CACNA2D1: variants seen among roughly 807,000 people sequenced by gnomAD.
CACNA2D1 encodes the protein voltage-dependent calcium channel subunit alpha-2/delta-1.
CACNA2D1 carries 53 observed loss-of-function variants against 171.5 expected under a neutral mutation model. That is an observed-to-expected ratio of 0.31 (90% CI 0.25 to 0.39). The LOEUF (loss-of-function observed/expected upper bound fraction) is 0.39, where lower values mean the gene tolerates loss of function less well. Ranked by LOEUF, CACNA2D1 falls within the 10% of genes least tolerant of loss-of-function variation. The pLI, the probability that CACNA2D1 is intolerant of heterozygous loss-of-function variation, is 1.00. For synonymous variants in CACNA2D1, 442 were observed against 443.1 expected, an observed-to-expected ratio of 1.00 and a Z score of 0.03; for missense variants, 903 against 1,299.8, an observed-to-expected ratio of 0.69 and a Z score of 4.69.
chr7:82,323,935 C>G (rs1446703743), intron 3 of CACNA2D1, among the ~76,000 whole-genome samples: 1 of 152,196 alleles, frequency 6.6e-6, no homozygotes, highest in Non-Finnish European at 1.5e-5. Context: ...TGCTTTCTAT[C>G]TTAAAGGTAT....
chr7:82,321,945 T>C (rs1158082262), intron 3 of CACNA2D1, among the ~76,000 whole-genome samples: 2 of 150,124 alleles, frequency 1.3e-5, no homozygotes, highest in Non-Finnish European at 3.0e-5. Context: ...GCTAAAACGG[T>C]GAAACCCCGT....
chr7:82,245,560 C>G (rs906690758), intron 3 of CACNA2D1, among the ~76,000 whole-genome samples: 1 of 151,826 alleles, frequency 6.6e-6, no homozygotes, highest in Non-Finnish European at 1.5e-5. Flanking sequence ...AAAAATACAA[C>G]CCCAAATTTT....
At chr7:81,982,501 A>G (rs1796542446) in intron 24 of CACNA2D1, 66 bp downstream of exon 24, 2 of 879,232 alleles carry the variant, frequency 2.3e-6, no homozygotes, top group Middle Eastern at 2.2e-4. Context: ...TCTTGACTCA[A>G]TTCTGAACTA....
chr7:82,004,000 C>T (rs546998800), intron 18 of CACNA2D1, among the ~76,000 whole-genome samples: 1 of 152,290 alleles, frequency 6.6e-6, no homozygotes, highest in Non-Finnish European at 1.5e-5. Context: ...CCGCCTGGGC[C>T]TCCCAAAGTG....
intron 4 of CACNA2D1, among the ~76,000 whole-genome samples, chr7:82,141,901 ATACT>A (rs1193847256): frequency 1.3e-5 from 2 of 152,222 alleles, no homozygotes; most frequent in Non-Finnish European, 2.9e-5. Flanking sequence ...GTATCATTTA[ATACT>A]TTAATTAAAA....
intron 3 of CACNA2D1, among the ~76,000 whole-genome samples, chr7:82,302,071 T>G (rs1233872386): frequency 6.6e-6 from 1 of 152,164 alleles, no homozygotes; most frequent in Non-Finnish European, 1.5e-5. Context: ...GCTTTTATAT[T>G]TTATAGACAG....
intron 6 of CACNA2D1, among the ~76,000 whole-genome samples, chr7:82,110,708 C>T (rs1485749783): frequency 1.3e-5 from 2 of 152,102 alleles, no homozygotes; most frequent in African/African-American, 2.4e-5. Flanking sequence ...GTTTCCATGG[C>T]CACAGCCTTC....
chr7:82,329,357 G>C (rs79992042), intron 3 of CACNA2D1, among the ~76,000 whole-genome samples: 2 of 152,114 alleles, frequency 1.3e-5, no homozygotes, highest in Non-Finnish European at 2.9e-5. Flanking sequence ...ACCAGAGGGA[G>C]ACAGAATATG....
At chr7:82,425,660 T>C (rs1829106262) in intron 1 of CACNA2D1, among the ~76,000 whole-genome samples, 1 of 150,930 alleles carries the variant, frequency 6.6e-6, no homozygotes, top group Non-Finnish European at 1.5e-5. Context: ...CTCACCCGCA[T>C]AGCTGGGACT....
chr7:82,332,560 A>ACG (rs1817487501), intron 3 of CACNA2D1, among the ~76,000 whole-genome samples: 4 of 144,350 alleles, frequency 2.8e-5, no homozygotes, highest in Admixed American at 1.4e-4. Flanking sequence ...GAAAGAAAGA[A>ACG]AGAAAGAACG....
intron 38 of CACNA2D1, among the ~76,000 whole-genome samples, chr7:81,957,813 G>A (rs572521506): frequency 5.9e-5 from 9 of 152,182 alleles, no homozygotes; most frequent in African/African-American, 2.2e-4. Flanking sequence ...GAACATTTTT[G>A]TCTTGGTCAA....
At chr7:82,155,455 C>A (rs1394621255) in intron 4 of CACNA2D1, among the ~76,000 whole-genome samples, 2 of 152,094 alleles carry the variant, frequency 1.3e-5, no homozygotes, top group Admixed American at 1.3e-4. Flanking sequence ...TCCTCTAGAG[C>A]AAATTTACAT....
chr7:82,223,119 T>A (rs1801975038), intron 3 of CACNA2D1, among the ~76,000 whole-genome samples: 1 of 152,096 alleles, frequency 6.6e-6, no homozygotes, highest in Non-Finnish European at 1.5e-5. Flanking sequence ...TTGGCCAGGC[T>A]GGTCTCGAAC....
At chr7:82,367,897 A>C (rs745758699) in intron 1 of CACNA2D1, among the ~76,000 whole-genome samples, 1 of 152,192 alleles carries the variant, frequency 6.6e-6, no homozygotes, top group Non-Finnish European at 1.5e-5. Context: ...GTTATGTGCA[A>C]AAAATTTTTC....
At chr7:82,230,909 A>G (rs1802859535) in intron 3 of CACNA2D1, among the ~76,000 whole-genome samples, 1 of 152,226 alleles carries the variant, frequency 6.6e-6, no homozygotes, top group South Asian at 2.1e-4. Flanking sequence ...TCTCCCTTAT[A>G]TAAGCTGCTT....
intron 3 of CACNA2D1, among the ~76,000 whole-genome samples, chr7:82,196,147 C>A (rs1408965817): frequency 6.6e-6 from 1 of 152,008 alleles, no homozygotes; most frequent in Non-Finnish European, 1.5e-5. Context: ...TACATAGCTT[C>A]AAAGTAGAAG....
chr7:82,353,503 A>G (rs1171911801), intron 1 of CACNA2D1, among the ~76,000 whole-genome samples: 1 of 152,128 alleles, frequency 6.6e-6, no homozygotes, highest in African/African-American at 2.4e-5. Context: ...ATCTCCATAG[A>G]AATTAAAGAT....
At chr7:82,410,742 T>A (rs1827554745) in intron 1 of CACNA2D1, among the ~76,000 whole-genome samples, 1 of 152,230 alleles carries the variant, frequency 6.6e-6, no homozygotes, top group African/African-American at 2.4e-5. Flanking sequence ...TTAACACTTG[T>A]ACTCTTCTAT....
intron 2 of CACNA2D1, among the ~76,000 whole-genome samples, chr7:82,336,634 G>A (rs1818033687): frequency 6.6e-6 from 1 of 152,134 alleles, no homozygotes; most frequent in South Asian, 2.1e-4. Context: ...CTAAGAAGCA[G>A]ATTATTGAAT....
Sources: allele counts gnomAD v4.1 joint callset (sites outside exome capture counted in the v4.1 genomes callset), GRCh38; gene constraint gnomAD v4.1.1; transcripts MANE v1.5; gene names NCBI Gene and HGNC (gene_info 2026-07-23, HGNC 2026-07-21).